SCAND3: variants seen among roughly 807,000 people sequenced by gnomAD.
SCAND3 encodes SCAN domain-containing protein 3.
chr6:28,589,617 G>C, the SCAND3 span: 1 of 152,272 alleles, frequency 6.6e-6, no homozygotes, highest in African/African-American at 2.4e-5. Context: ...CTTTCGCCTA[G>C]AAGAACGCTT....
At chr6:28,600,069 T>G in the SCAND3 span, among the ~76,000 whole-genome samples, 1 of 152,148 alleles carries the variant, frequency 6.6e-6, no homozygotes, top group African/African-American at 2.4e-5. Context: ...TAGGTAGCGT[T>G]GGCTTTGGCA....
At chr6:28,572,993 C>T in the SCAND3 span, 2 of 1,613,638 alleles carry the variant, frequency 1.2e-6, no homozygotes, top group East Asian at 2.2e-5. The surrounding 1 kb of genome is among the most constrained non-coding windows in gnomAD (Gnocchi z 4.1). Context: ...CATACTCCTA[C>T]ACAAAATTTA....
chr6:28,579,742 T>A, the SCAND3 span, among the ~76,000 whole-genome samples: 2 of 152,152 alleles, frequency 1.3e-5, no homozygotes, highest in Non-Finnish European at 2.9e-5. This position sits in a 1 kb window ranked among gnomAD's most constrained non-coding sequence, Gnocchi z 4.5. Flanking sequence ...AGTTCCAGTG[T>A]GGTTAATTAA....
At chr6:28,616,005 G>A in the SCAND3 span, 1 of 152,238 alleles carries the variant, frequency 6.6e-6, no homozygotes, top group African/African-American at 2.4e-5. This position sits in a 1 kb window ranked among gnomAD's most constrained non-coding sequence, Gnocchi z 4.3. Context: ...TTTCGGGGAA[G>A]CTGAGAGTAG....
the SCAND3 span, chr6:28,586,443 A>G: frequency 6.2e-7 from 1 of 1,614,226 alleles, no homozygotes; most frequent in East Asian, 2.2e-5. The surrounding 1 kb of genome is among the most constrained non-coding windows in gnomAD (Gnocchi z 4.4). Flanking sequence ...CAACAATTCC[A>G]GGATCTGCTC....
At chr6:28,575,475 C>T in the SCAND3 span, 1 of 1,613,820 alleles carries the variant, frequency 6.2e-7, no homozygotes, top group Non-Finnish European at 8.5e-7. This position sits in a 1 kb window ranked among gnomAD's most constrained non-coding sequence, Gnocchi z 4.2. Flanking sequence ...GCCTTTTAGA[C>T]TTTAATGACC....
the SCAND3 span, among the ~76,000 whole-genome samples, chr6:28,595,767 A>G: frequency 6.6e-6 from 1 of 152,186 alleles, no homozygotes; most frequent in Non-Finnish European, 1.5e-5. Flanking sequence ...GAATGGATAT[A>G]ACATGTAGAT....
the SCAND3 span, chr6:28,572,063 G>T: frequency 1.2e-6 from 2 of 1,614,022 alleles, no homozygotes; most frequent in Non-Finnish European, 1.7e-6. This position sits in a 1 kb window ranked among gnomAD's most constrained non-coding sequence, Gnocchi z 4.1. Flanking sequence ...GTCTCACAGA[G>T]GTATGTTGAG....
chr6:28,605,221 C>T, the SCAND3 span, among the ~76,000 whole-genome samples: 1 of 152,194 alleles, frequency 6.6e-6, no homozygotes, highest in Non-Finnish European at 1.5e-5. Flanking sequence ...ACAGCTATGG[C>T]TTTGACTGCT....
the SCAND3 span, chr6:28,572,767 AAAGAG>A: frequency 1.2e-6 from 2 of 1,613,946 alleles, no homozygotes; most frequent in Non-Finnish European, 1.7e-6. The surrounding 1 kb of genome is among the most constrained non-coding windows in gnomAD (Gnocchi z 4.1). Context: ...ATCACATAAT[AAAGAG>A]AATAATCTTG....
chr6:28,578,485 A>T, the SCAND3 span, among the ~76,000 whole-genome samples: 2 of 152,222 alleles, frequency 1.3e-5, no homozygotes, highest in Non-Finnish European at 2.9e-5. Context: ...TTAACTTTAT[A>T]ATAAAATAAC....
the SCAND3 span, chr6:28,573,697 G>GC: frequency 6.2e-7 from 1 of 1,610,086 alleles, no homozygotes; most frequent in Non-Finnish European, 8.5e-7. Context: ...AGTGAAACTA[G>GC]CATGAACTCT....
chr6:28,596,302 T>C, the SCAND3 span, among the ~76,000 whole-genome samples: 1 of 152,194 alleles, frequency 6.6e-6, no homozygotes, highest in Non-Finnish European at 1.5e-5. Flanking sequence ...GCTTTCACTT[T>C]TTGTGATGAT....
chr6:28,591,327 C>T, the SCAND3 span: 1 of 152,156 alleles, frequency 6.6e-6, no homozygotes, highest in African/African-American at 2.4e-5. Context: ...CCCCTGATGC[C>T]TTACATGTTC....
the SCAND3 span, among the ~76,000 whole-genome samples, chr6:28,608,872 C>T: frequency 2.0e-5 from 3 of 151,330 alleles, no homozygotes; most frequent in Non-Finnish European, 4.4e-5. Flanking sequence ...GCCTGTATTC[C>T]CAGCTAGCTA....
chr6:28,574,795 C>T, the SCAND3 span: 2 of 1,614,000 alleles, frequency 1.2e-6, no homozygotes, highest in Admixed American at 3.3e-5. Flanking sequence ...CCGACCACAG[C>T]CCTCAGTCCC....
the SCAND3 span, chr6:28,575,262 C>T: frequency 8.7e-6 from 14 of 1,614,034 alleles, no homozygotes; most frequent in Non-Finnish European, 1.1e-5. The surrounding 1 kb of genome is among the most constrained non-coding windows in gnomAD (Gnocchi z 4.2). Context: ...AGAAAATCCT[C>T]TTTCGGATAT....
At chr6:28,594,426 G>A in the SCAND3 span, among the ~76,000 whole-genome samples, 2 of 152,208 alleles carry the variant, frequency 1.3e-5, no homozygotes, top group African/African-American at 4.8e-5. Context: ...AGGCCGAGGC[G>A]GGTGGATCAC....
chr6:28,607,835 G>A, the SCAND3 span, among the ~76,000 whole-genome samples: 1 of 152,174 alleles, frequency 6.6e-6, no homozygotes, highest in Non-Finnish European at 1.5e-5. Context: ...AAATAGCTTA[G>A]TGGGAGTGTG....
Sources: allele counts gnomAD v4.1 joint callset (sites outside exome capture counted in the v4.1 genomes callset), GRCh38; gene constraint gnomAD v4.1.1; non-coding constraint Gnocchi (gnomAD v3.1); transcripts MANE v1.5; gene names NCBI Gene and HGNC (gene_info 2026-07-23, HGNC 2026-07-21).